The following ANKS1B variants were observed in gnomAD, a reference collection of about 807,000 sequenced individuals.
The protein encoded by ANKS1B is ankyrin repeat and sterile alpha motif domain-containing protein 1B.
ANKS1B carries 36 observed loss-of-function variants against 148.3 expected under a neutral mutation model. The ratio of observed to expected loss-of-function variants is 0.24; its 90% CI spans 0.19 to 0.32. The LOEUF (loss-of-function observed/expected upper bound fraction) is 0.32. ANKS1B is among the 10% of genes least tolerant of loss of function. The probability of loss-of-function intolerance (pLI) is 1.00; values close to 1 mark genes in which losing one functional copy is unlikely to be tolerated. For synonymous variants in ANKS1B, 542 were observed against 560.8 expected (o/e 0.97, Z 0.47); for missense variants, 1,157 against 1,542.6 (o/e 0.75, Z 4.19).
intron 1 of ANKS1B, among the ~76,000 whole-genome samples, chr12:99,882,686 G>A (rs1603430381): frequency 6.6e-6 from 1 of 152,000 alleles, no homozygotes; most frequent in East Asian, 1.9e-4. Context: ...CAACACAATG[G>A]GTGCAGTGTA....
At chr12:99,537,665 T>C (rs2153109549) in intron 9 of ANKS1B, among the ~76,000 whole-genome samples, 1 of 152,342 alleles carries the variant, frequency 6.6e-6, no homozygotes, top group African/African-American at 2.4e-5. Context: ...TAATCCCTTG[T>C]CAAATGAGTA....
chr12:99,959,295 T>C (rs1247987847), intron 1 of ANKS1B, among the ~76,000 whole-genome samples: 1 of 145,438 alleles, frequency 6.9e-6, no homozygotes, highest in South Asian at 2.2e-4. Context: ...GCCAGGATGG[T>C]CTCGATCTCC....
intron 19 of ANKS1B, among the ~76,000 whole-genome samples, chr12:98,819,630 G>A (rs189930): frequency 3.5e-4 from 54 of 152,308 alleles, no homozygotes; most frequent in African/African-American, 1.2e-3. Context: ...AGTTTAGGCA[G>A]AAACTTGTGG....
chr12:99,653,186 A>T (rs1233688255), intron 9 of ANKS1B, among the ~76,000 whole-genome samples: 1 of 152,184 alleles, frequency 6.6e-6, no homozygotes, highest in African/African-American at 2.4e-5. Context: ...AAGCCTAAAA[A>T]ATAATAAAAT....
At chr12:99,147,782 GAGA>G (rs1379983946) in intron 15 of ANKS1B, among the ~76,000 whole-genome samples, 1 of 151,924 alleles carries the variant, frequency 6.6e-6, no homozygotes, top group East Asian at 1.9e-4. Flanking sequence ...GAGGCATGAG[GAGA>G]AGTAGAAGAA....
chr12:99,291,540 C>G (rs1022993462), intron 12 of ANKS1B, among the ~76,000 whole-genome samples: 2 of 152,118 alleles, frequency 1.3e-5, no homozygotes, highest in African/African-American at 4.8e-5. Context: ...AGCATAAAAA[C>G]AGGCACATAG....
chr12:98,986,509 A>C (rs2099923475), intron 17 of ANKS1B, among the ~76,000 whole-genome samples: 1 of 151,794 alleles, frequency 6.6e-6, no homozygotes, highest in African/African-American at 2.4e-5. Context: ...TTCATCTCTG[A>C]TATATTCTTC....
intron 22 of ANKS1B, among the ~76,000 whole-genome samples, chr12:98,798,663 A>T (rs146994964): frequency 6.6e-6 from 1 of 152,186 alleles, no homozygotes; most frequent in Non-Finnish European, 1.5e-5. Flanking sequence ...TCATTTTTCT[A>T]ATCTCGAAAA....
At chr12:99,150,178 C>A (rs2074451958) in intron 15 of ANKS1B, among the ~76,000 whole-genome samples, 1 of 152,128 alleles carries the variant, frequency 6.6e-6, no homozygotes, top group South Asian at 2.1e-4. Context: ...TGGAGGTCCA[C>A]CTACAACAAT....
At chr12:98,953,477 C>CT (rs2099857031) in intron 17 of ANKS1B, among the ~76,000 whole-genome samples, 1 of 134,532 alleles carries the variant, frequency 7.4e-6, no homozygotes, top group African/African-American at 2.8e-5. Flanking sequence ...TTTTAATTGG[C>CT]TTTGTCTTAT....
chr12:99,696,552 C>CTT (rs1443984665), intron 8 of ANKS1B, among the ~76,000 whole-genome samples: 1 of 152,054 alleles, frequency 6.6e-6, no homozygotes, highest in Non-Finnish European at 1.5e-5. Context: ...AGACACAGGT[C>CTT]TTACACTTTT....
chr12:99,704,504 G>A (rs1471127634), intron 8 of ANKS1B, among the ~76,000 whole-genome samples: 2 of 151,914 alleles, frequency 1.3e-5, no homozygotes, highest in South Asian at 2.1e-4. Context: ...AAATGTATTT[G>A]TATATGTATT....
At chr12:99,338,546 G>A (rs1237805325) in intron 12 of ANKS1B, among the ~76,000 whole-genome samples, 4 of 152,150 alleles carry the variant, frequency 2.6e-5, no homozygotes, top group African/African-American at 7.2e-5. Context: ...TGCCCAAGCT[G>A]CACAACAAAA....
At chr12:99,054,408 G>A (rs1248407996) in intron 16 of ANKS1B, among the ~76,000 whole-genome samples, 3 of 152,166 alleles carry the variant, frequency 2.0e-5, no homozygotes, top group Non-Finnish European at 2.9e-5. Context: ...AACATGGTAA[G>A]CTTTCTATCA....
intron 1 of ANKS1B, among the ~76,000 whole-genome samples, chr12:99,930,454 T>C (rs1289586541): frequency 2.0e-5 from 3 of 152,190 alleles, no homozygotes; most frequent in African/African-American, 7.2e-5. Context: ...ACAGGGACAA[T>C]TTGACTTCTT....
At chr12:98,785,667 G>A (rs887917834) in intron 22 of ANKS1B, among the ~76,000 whole-genome samples, 3 of 152,028 alleles carry the variant, frequency 2.0e-5, no homozygotes, top group African/African-American at 4.8e-5. Context: ...TTTCTCTTCG[G>A]TGTTATGATC....
chr12:99,334,426 C>T (rs1007001001), intron 12 of ANKS1B, among the ~76,000 whole-genome samples: 14 of 152,048 alleles, frequency 9.2e-5, no homozygotes, highest in African/African-American at 3.4e-4. Flanking sequence ...AAGCTGCCCA[C>T]ACAATGCTTG....
At chr12:99,367,679 G>A (rs1429445181) in intron 12 of ANKS1B, among the ~76,000 whole-genome samples, 1 of 152,074 alleles carries the variant, frequency 6.6e-6, no homozygotes, top group East Asian at 1.9e-4. Context: ...ATACCATAAT[G>A]CAGACCTTAA....
At chr12:99,867,913 C>G (rs1035664580) in intron 1 of ANKS1B, among the ~76,000 whole-genome samples, 4 of 152,020 alleles carry the variant, frequency 2.6e-5, no homozygotes, top group African/African-American at 9.7e-5. Flanking sequence ...GTACAAAACA[C>G]CTGAACAAAA....
Sources: gnomAD v4.1 joint callset for allele counts (sites outside exome capture counted in the v4.1 genomes callset) on GRCh38, gnomAD v4.1.1 for gene constraint, MANE v1.5 for transcripts, NCBI Gene and HGNC (gene_info 2026-07-23, HGNC 2026-07-21) for gene names.